Variants in SGK2 observed in about 807,000 individuals in gnomAD.
SGK2 encodes serine/threonine-protein kinase Sgk2.
In SGK2, 36 loss-of-function variants were observed where a neutral mutation model predicts 47.5. The observed-to-expected ratio is 0.76, with a 90% CI of 0.58 to 1.00. The LOEUF (loss-of-function observed/expected upper bound fraction) is 1.00. Ranked by LOEUF, SGK2 falls within the 50% of genes least tolerant of loss-of-function variation. The pLI is 0.00. For synonymous variants in SGK2, 157 were observed against 181.9 expected (o/e 0.86, Z 1.10); for missense variants, 404 against 467.4 (o/e 0.86, Z 1.25).
At chr20:43,583,130 C>T in intron 12 of SGK2, 1 of 1,224,220 alleles carries the variant, frequency 8.2e-7, no homozygotes, top group Non-Finnish European at 1.1e-6. Flanking sequence ...TTACATTTCT[C>T]ATTTGTTTAA....
Position 43,574,916 on chromosome 20 carries a change from C to T in SGK2, c.605C>T (p.Ala202Val). 2 of 1,612,868 alleles carry T rather than the reference C, an allele frequency of 1.2e-6. No homozygotes were observed. Among genetic ancestry groups the T allele is most frequent in the African/African-American group, 2.7e-5 (2 of 75,018 alleles). ...TGTGTTTCCTTCTAACAGTACTTGG[C>T]ACCTGAAGTGCTTCGGAAAGAGCCT... ...STFCGTPEYLAPEVLRKEPYD... is the reference protein window; with the variant it reads ...STFCGTPEYLVPEVLRKEPYD... The change falls in exon 10 of 13, where the codon GCA becomes GTA. Residue 202 changes from alanine to valine, a missense_variant. Physicochemically the swap from Ala to Val is moderately conservative, Grantham distance 64 (BLOSUM62 0). Transcript: ENST00000373100.
intron 4 of SGK2, 54 bp downstream of exon 4, chr20:43,567,776 C>T: frequency 6.3e-7 from 1 of 1,587,500 alleles, no homozygotes; most frequent in South Asian, 1.1e-5. Context: ...GCAGCCTCTT[C>T]CAGCCCCTGC....
intron 1 of SGK2, chr20:43,566,139 G>C (rs1331208368): frequency 1.8e-6 from 1 of 547,844 alleles, no homozygotes; most frequent in Non-Finnish European, 3.3e-6. Context: ...TTCCAGCCCT[G>C]GCCATCTTGG....
intron 11 of SGK2, among the ~76,000 whole-genome samples, chr20:43,578,769 G>C (rs1323750323): frequency 5.3e-5 from 8 of 152,054 alleles, no homozygotes; most frequent in Non-Finnish European, 1.2e-4. Flanking sequence ...ACAACAGTTA[G>C]GGCATCTGCT....
intron 4 of SGK2, 70 bp from the exon 5 acceptor site, chr20:43,567,846 G>A (rs906449464): frequency 3.6e-5 from 56 of 1,552,320 alleles, no homozygotes; most frequent in South Asian, 2.0e-4. Flanking sequence ...AGGGGCAGGC[G>A]GGAGGCCTTG....
chr20:43,579,244 G>A (rs1201664408), intron 11 of SGK2, among the ~76,000 whole-genome samples: 1 of 152,034 alleles, frequency 6.6e-6, no homozygotes, highest in East Asian at 1.9e-4. Context: ...ATGAACTCCT[G>A]ACCTCAGGTG....
At position 43,564,287 on chromosome 20, in the gene SGK2, G is replaced by A. The variant is rs145579415; in HGVS notation, c.-23-2186G>A. 6.3e-3 allele frequency among the ~76,000 whole-genome samples: 964 copies of A among 152,376 alleles called. 10 individuals carry two copies. Among genetic ancestry groups the A allele is most frequent in the African/African-American group, 0.021 (883 of 41,592 alleles). The stretch of plus-strand genomic sequence containing the variant: ...CGCAGGGAAAGGCCAAAAGGACCAA[G>A]TGCTCATTAAAGACCAAGGCAGGCT... On this transcript the variant is annotated intron_variant, in intron 1 of 12. Coordinates refer to ENST00000373100, the MANE Select transcript of SGK2 (RefSeq NM_170693.3).
At chr20:43,582,387 T>A (rs1980851243) in intron 12 of SGK2, among the ~76,000 whole-genome samples, 3 of 151,762 alleles carry the variant, frequency 2.0e-5, no homozygotes, top group Admixed American at 2.0e-4. Context: ...TTTTTATTTT[T>A]ATTTTATTTT....
At chr20:43,578,141 C>A (rs1980579185) in intron 11 of SGK2, among the ~76,000 whole-genome samples, 1 of 152,156 alleles carries the variant, frequency 6.6e-6, no homozygotes, top group African/African-American at 2.4e-5. Flanking sequence ...AAGAAGGCCG[C>A]AATATTTTCT....
At chr20:43,567,813 C>A in intron 4 of SGK2, 91 bp downstream of exon 4, 1 of 1,548,640 alleles carries the variant, frequency 6.5e-7, no homozygotes, top group Non-Finnish European at 8.9e-7. Context: ...GAAGAGAGAG[C>A]ACTCGCACCT....
chr20:43,575,716 C>A (rs1980422167), intron 10 of SGK2, among the ~76,000 whole-genome samples: 1 of 152,072 alleles, frequency 6.6e-6, no homozygotes, highest in African/African-American at 2.4e-5. Context: ...GTGGTTTCAC[C>A]AGCATAGCTT....
At chr20:43,562,163 C>T (rs1979424515) in intron 1 of SGK2, among the ~76,000 whole-genome samples, 2 of 151,918 alleles carry the variant, frequency 1.3e-5, no homozygotes, top group Admixed American at 1.3e-4. Flanking sequence ...CCTGTAATCC[C>T]AGCAATTTGG....
At chr20:43,562,739 T>TA (rs1265283609) in intron 1 of SGK2, among the ~76,000 whole-genome samples, 2 of 151,826 alleles carry the variant, frequency 1.3e-5, no homozygotes, top group Admixed American at 1.3e-4. Context: ...GACTCTTTCT[T>TA]AAAAAATAAA....
chr20:43,561,702 A>G (rs1175551643), intron 1 of SGK2, among the ~76,000 whole-genome samples: 3 of 143,172 alleles, frequency 2.1e-5, no homozygotes, highest in African/African-American at 8.0e-5. Flanking sequence ...TTTGGATTTT[A>G]ATTCTAGGTG....
chr20:43,575,021 C>T lies in SGK2; in HGVS notation c.693+17C>T, dbSNP rs560550171. On this transcript the variant is annotated intron_variant, in intron 10 of 12. Transcript: ENST00000373100. ...CATGGCCTGGTGAGTCAGGGGTAGC[C>T]ATCTACAAGGGCCATCTGGCTAGGG... 3 of 1,578,416 alleles carry T rather than the reference C, an allele frequency of 1.9e-6. No individual in the cohort carries two copies. The highest frequency in any genetic ancestry group is 2.6e-6 in the Non-Finnish European group (3 of 1,148,412).
intron 12 of SGK2, among the ~76,000 whole-genome samples, chr20:43,581,670 A>G (rs571842947): frequency 6.6e-6 from 1 of 152,300 alleles, no homozygotes; most frequent in South Asian, 2.1e-4. Flanking sequence ...CTGTGATTAT[A>G]GGCATGCGCC....
rs1980364699 is a variant in SGK2, at chr20:43,574,823, G to A, written c.598-86G>A. 21 of 923,166 alleles carry A rather than the reference G, an allele frequency of 2.3e-5. No individual in the cohort carries two copies. The South Asian group carries it at 2.7e-4, about 12-fold the overall frequency. 57.2% of individuals were successfully genotyped at this position (923,166 alleles called of 1,614,324 possible). ...ACACGTACAGCAGGGTCAGCTCTTG[G>A]TCATCTTCCTCCAAGTGCCTTATTT... is the stretch of plus-strand genomic sequence containing the variant. On this transcript the variant is annotated intron_variant, in intron 9 of 12. Coordinates refer to ENST00000373100, the MANE Select transcript of SGK2 (RefSeq NM_170693.3).
intron 2 of SGK2, 21 bp from the exon 3 acceptor site, chr20:43,567,047 C>G: frequency 6.2e-7 from 1 of 1,610,784 alleles, no homozygotes; most frequent in Non-Finnish European, 8.5e-7. Flanking sequence ...ATCTGCTGAT[C>G]ATAATCACTT....
At position 43,564,135 on chromosome 20, in the gene SGK2, A is replaced by C. The variant is rs186303853; in HGVS notation, c.-23-2338A>C. 3.4e-3 allele frequency among the ~76,000 whole-genome samples: 525 copies of C among 152,330 alleles called. 2 individuals carry two copies. Among genetic ancestry groups the C allele is most frequent in the South Asian group, 0.013 (65 of 4,824 alleles). Reference sequence around the variant, plus strand: ...AGAGGAAGGGACCCTGTGAGAACCTAATGACCGCCCCAGGCAGCAAGGCCT... The same window carrying C: ...AGAGGAAGGGACCCTGTGAGAACCTCATGACCGCCCCAGGCAGCAAGGCCT... On this transcript the variant is annotated intron_variant, in intron 1 of 12. Coordinates refer to ENST00000373100, the MANE Select transcript of SGK2 (RefSeq NM_170693.3).
Sources: allele counts gnomAD v4.1 joint callset (sites outside exome capture counted in the v4.1 genomes callset), GRCh38; gene constraint gnomAD v4.1.1; transcripts MANE v1.5; gene names NCBI Gene and HGNC (gene_info 2026-07-23, HGNC 2026-07-21).